CPQ: variants seen among roughly 807,000 people sequenced by gnomAD.
CPQ encodes Ser-Met dipeptidase.
CPQ carries 37 observed loss-of-function variants against 45.7 expected under a neutral mutation model. The ratio of observed to expected loss-of-function variants is 0.81; its 90% CI spans 0.62 to 1.07. The LOEUF (loss-of-function observed/expected upper bound fraction) is 1.07. Ranked by LOEUF, CPQ falls within the 50% of genes least tolerant of loss-of-function variation. The probability of loss-of-function intolerance (pLI) is 0.00; values close to 1 mark genes in which losing one functional copy is unlikely to be tolerated. For missense variants in CPQ, 537 were observed against 572.9 expected, an observed-to-expected ratio of 0.94 and a Z score of 0.64; for synonymous variants, 186 against 205.8, an observed-to-expected ratio of 0.90 and a Z score of 0.82.
At chr8:96,990,124 C>A (rs1248841579) in intron 5 of CPQ, among the ~76,000 whole-genome samples, 1 of 152,188 alleles carries the variant, frequency 6.6e-6, no homozygotes, top group Non-Finnish European at 1.5e-5. Flanking sequence ...TCTCCTCCAA[C>A]TCCTCTGCTC....
chr8:96,847,826 A>ATTTG (rs1172711045), intron 3 of CPQ, among the ~76,000 whole-genome samples: 1 of 106,470 alleles, frequency 9.4e-6, no homozygotes, highest in Non-Finnish European at 1.9e-5. Context: ...GCAGACTGAT[A>ATTTG]TTTGTTTTCC....
chr8:96,677,293 G>A (rs1459772461), intron 1 of CPQ, among the ~76,000 whole-genome samples: 1 of 152,022 alleles, frequency 6.6e-6, no homozygotes, highest in African/African-American at 2.4e-5. Context: ...CCCACCAACA[G>A]TTCTAAAAAT....
At chr8:97,123,236 T>TAAATA (rs1298618212) in intron 7 of CPQ, among the ~76,000 whole-genome samples, 39 of 112,544 alleles carry the variant, frequency 3.5e-4, no homozygotes, top group Admixed American at 1.2e-3. Flanking sequence ...TAAAATAAAA[T>TAAATA]AAATAAAATA....
chr8:97,129,442 G>A (rs1437864141), intron 7 of CPQ, among the ~76,000 whole-genome samples: 1 of 152,140 alleles, frequency 6.6e-6, no homozygotes, highest in Non-Finnish European at 1.5e-5. Context: ...TAGAATCATT[G>A]TGAGGCTTTG....
intron 4 of CPQ, among the ~76,000 whole-genome samples, chr8:96,944,434 T>C (rs999248922): frequency 8.5e-5 from 13 of 152,110 alleles, no homozygotes; most frequent in African/African-American, 3.1e-4. Flanking sequence ...AGTTTGAAAA[T>C]ATAATCAATG....
At chr8:96,727,816 T>TG (rs1266837853) in intron 1 of CPQ, among the ~76,000 whole-genome samples, 1 of 152,176 alleles carries the variant, frequency 6.6e-6, no homozygotes, top group Non-Finnish European at 1.5e-5. Context: ...CTTCTCCTTA[T>TG]GGGGTTGCTC....
At chr8:97,004,889 GT>G (rs1161446701) in intron 5 of CPQ, among the ~76,000 whole-genome samples, 2 of 152,056 alleles carry the variant, frequency 1.3e-5, no homozygotes, top group Admixed American at 6.6e-5. Context: ...TGTTAATGGG[GT>G]TTGACTATTT....
At chr8:96,668,608 G>A (rs1390266012) in intron 1 of CPQ, among the ~76,000 whole-genome samples, 2 of 152,146 alleles carry the variant, frequency 1.3e-5, no homozygotes, top group African/African-American at 2.4e-5. Context: ...TTAACGTGTT[G>A]GAGAGTTTCC....
intron 1 of CPQ, among the ~76,000 whole-genome samples, chr8:96,700,061 C>T (rs1042377882): frequency 6.6e-6 from 1 of 152,148 alleles, no homozygotes; most frequent in African/African-American, 2.4e-5. Context: ...ACTGGCTTCT[C>T]ACTCCTGGCT....
At chr8:97,114,689 C>G (rs1811553481) in intron 7 of CPQ, among the ~76,000 whole-genome samples, 1 of 152,186 alleles carries the variant, frequency 6.6e-6, no homozygotes, top group Non-Finnish European at 1.5e-5. Flanking sequence ...CAGACACCAG[C>G]AGAGTTTTGT....
intron 3 of CPQ, among the ~76,000 whole-genome samples, chr8:96,852,593 AC>A (rs1290760335): frequency 4.0e-5 from 6 of 151,594 alleles, no homozygotes; most frequent in African/African-American, 1.5e-4. Flanking sequence ...CTGCCTCCTT[AC>A]CTCCTTCAGT....
Position 96,747,277 on chromosome 8 carries a change from C to T in CPQ, c.-34-37587C>T, listed in dbSNP as rs184522649. On this transcript the variant is annotated intron_variant, in intron 1 of 7. Coordinates refer to ENST00000220763, the MANE Select transcript of CPQ (RefSeq NM_016134.4). ...CTGCACTCCAGCCTGGGTGACAGAG[C>T]GAATCTTTGTCTCAAAAAAAAAAAA... 2.8e-3 allele frequency among the ~76,000 whole-genome samples: 387 copies of T among 136,996 alleles called. 3 individuals carry two copies. The highest frequency in any genetic ancestry group is 0.01 in the African/African-American group (371 of 36,634). 89.9% of individuals were successfully genotyped at this position (136,996 alleles called of 152,430 possible).
At chr8:97,091,261 A>G (rs1450173949) in intron 7 of CPQ, among the ~76,000 whole-genome samples, 1 of 152,238 alleles carries the variant, frequency 6.6e-6, no homozygotes, top group Non-Finnish European at 1.5e-5. Context: ...GCCATCACTT[A>G]TATTTCTCAG....
intron 7 of CPQ, among the ~76,000 whole-genome samples, chr8:97,134,539 TTACTC>T (rs1490764068): frequency 6.6e-6 from 1 of 152,194 alleles, no homozygotes; most frequent in Non-Finnish European, 1.5e-5. Flanking sequence ...ATTCAAGTCT[TTACTC>T]TATTTCATGG....
At chr8:96,895,471 A>C (rs760190131) in intron 4 of CPQ, among the ~76,000 whole-genome samples, 61 of 152,210 alleles carry the variant, frequency 4.0e-4, no homozygotes, top group Non-Finnish European at 6.5e-4. Context: ...GATATCCTGC[A>C]ATTTACTTAA....
At chr8:96,688,569 TTTATAA>T (rs141239570) in intron 1 of CPQ, among the ~76,000 whole-genome samples, 3,675 of 152,274 alleles carry the variant, frequency 0.024, 158 homozygotes, top group African/African-American at 0.084. Context: ...TACCAGTTAC[TTTATAA>T]TTATATCTTT....
chr8:96,957,540 T>C (rs1000735845), intron 4 of CPQ, among the ~76,000 whole-genome samples: 1 of 152,132 alleles, frequency 6.6e-6, no homozygotes, highest in Admixed American at 6.6e-5. Context: ...CAGTGGCTCA[T>C]GCCTTTAATC....
At chr8:97,094,812 C>A (rs1019974621) in intron 7 of CPQ, among the ~76,000 whole-genome samples, 9 of 152,016 alleles carry the variant, frequency 5.9e-5, no homozygotes, top group Non-Finnish European at 1.3e-4. Context: ...TCTTTCTTTT[C>A]TTTGCAGCCA....
chr8:96,995,445 G>A (rs2130414505), intron 5 of CPQ, among the ~76,000 whole-genome samples: 1 of 152,018 alleles, frequency 6.6e-6, no homozygotes, highest in South Asian at 2.1e-4. Context: ...GATTTATGTG[G>A]GGGAAAATAG....
Sources: gnomAD v4.1 joint callset for allele counts (sites outside exome capture counted in the v4.1 genomes callset) on GRCh38, gnomAD v4.1.1 for gene constraint, MANE v1.5 for transcripts, NCBI Gene and HGNC (gene_info 2026-07-23, HGNC 2026-07-21) for gene names.